RUFY3: variants seen among roughly 807,000 people sequenced by gnomAD.
The protein encoded by RUFY3 is protein RUFY3.
RUFY3 carries 34 observed loss-of-function variants against 84.0 expected under a neutral mutation model. That is an observed-to-expected ratio of 0.40 (90% CI 0.31 to 0.54). The LOEUF (loss-of-function observed/expected upper bound fraction) is 0.54, where lower values mean the gene tolerates loss of function less well. Ranked by LOEUF, RUFY3 falls within the 20% of genes least tolerant of loss-of-function variation. The pLI, the probability that RUFY3 is intolerant of heterozygous loss-of-function variation, is 0.39. For synonymous variants in RUFY3, 242 were observed against 252.9 expected, an observed-to-expected ratio of 0.96 and a Z score of 0.41; for missense variants, 507 against 736.8, an observed-to-expected ratio of 0.69 and a Z score of 3.61.
chr4:70,804,761 CAAAA>C (rs1186156048), intron 17 of RUFY3, among the ~76,000 whole-genome samples: 10 of 76,856 alleles, frequency 1.3e-4, no homozygotes, highest in East Asian at 3.4e-4. Context: ...ACTAAAAATA[CAAAA>C]AAAAAAAAAA....
upstream of RUFY3, among the ~76,000 whole-genome samples, chr4:70,718,693 C>G (rs937041004): frequency 2.0e-5 from 3 of 151,924 alleles, no homozygotes; most frequent in African/African-American, 7.3e-5. Context: ...TAGTAAAGAC[C>G]AAAATGTAAA....
At chr4:70,758,894 C>T (rs185265388) in intron 1 of RUFY3, among the ~76,000 whole-genome samples, 1 of 151,942 alleles carries the variant, frequency 6.6e-6, no homozygotes, top group South Asian at 2.1e-4. Flanking sequence ...AAAAAATTAG[C>T]CCAGCGTGGT....
At chr4:70,800,268 G>A in intron 15 of RUFY3, 63 bp downstream of exon 15, 2 of 1,293,264 alleles carry the variant, frequency 1.5e-6, no homozygotes, top group Non-Finnish European at 2.2e-6. Flanking sequence ...GAAGGAGGGA[G>A]TTCTTTATAT....
chr4:70,727,941 CG>C (rs886395582), intron 1 of RUFY3, among the ~76,000 whole-genome samples: 18 of 152,046 alleles, frequency 1.2e-4, no homozygotes, highest in Admixed American at 1.1e-3. Flanking sequence ...GTTTATAACA[CG>C]TTTACCCTTA....
At chr4:70,728,183 C>A (rs1718611726) in intron 1 of RUFY3, among the ~76,000 whole-genome samples, 1 of 152,184 alleles carries the variant, frequency 6.6e-6, no homozygotes, top group South Asian at 2.1e-4. Context: ...GTAGCTTAGC[C>A]TCTCTTGCCT....
rs961385880 is a variant in RUFY3 at position 70,775,162 on chromosome 4, C to T, written c.759-6C>T. The T allele has an allele frequency of 2.5e-6, 4 of 1,588,478 alleles. No individual in the cohort carries two copies. Among genetic ancestry groups the T allele is most frequent in the Non-Finnish European group, 3.4e-6 (4 of 1,163,046 alleles). On this transcript the variant is annotated splice_region_variant and splice_polypyrimidine_tract_variant and intron_variant, in intron 6 of 17. Transcript: ENST00000381006. ...TTTTATTTCTATTTTCTTCCCCTTC[C>T]CCCAGAGACGGTCAGATTACTGCAA... is the stretch of plus-strand genomic sequence containing the variant.
chr4:70,769,870 T>C (rs1311369681), intron 5 of RUFY3, among the ~76,000 whole-genome samples: 5 of 152,224 alleles, frequency 3.3e-5, no homozygotes, highest in African/African-American at 9.6e-5. Context: ...TCTCCCAGGC[T>C]GGAATGCAGT....
intron 9 of RUFY3, among the ~76,000 whole-genome samples, chr4:70,783,879 T>C (rs1383573536): frequency 6.6e-6 from 1 of 152,238 alleles, no homozygotes; most frequent in Non-Finnish European, 1.5e-5. Flanking sequence ...TAGCATCTCT[T>C]ACTTTTTACT....
chr4:70,789,827 C>T (rs1730523147), intron 12 of RUFY3: 1 of 1,162,096 alleles, frequency 8.6e-7, no homozygotes, highest in Non-Finnish European at 1.1e-6. Context: ...AAAGGTCAGC[C>T]TTTTATGACT....
chr4:70,732,118 G>T (rs190796996), intron 1 of RUFY3, among the ~76,000 whole-genome samples: 34 of 152,240 alleles, frequency 2.2e-4, no homozygotes, highest in African/African-American at 8.2e-4. Context: ...TATCAGGAAG[G>T]GTAATGGACC....
At chr4:70,749,951 CA>C (rs1423409804) in intron 1 of RUFY3, among the ~76,000 whole-genome samples, 3 of 151,848 alleles carry the variant, frequency 2.0e-5, no homozygotes, top group Admixed American at 1.3e-4. Flanking sequence ...CCACTGTGCC[CA>C]GCCAGAATTT....
rs762339474 is a variant in RUFY3, at chr4:70,722,346, A to C, written c.-228A>C. Reference sequence around the variant, plus strand: ...CATCTTATTTTGCTATGTGGTAGGAACTGTCTATAAGATAGTGTAGAATTG... The same window carrying C: ...CATCTTATTTTGCTATGTGGTAGGACCTGTCTATAAGATAGTGTAGAATTG... On this transcript the variant is annotated 5_prime_UTR_variant, in exon 1 of 18. Transcript: ENST00000381006. 5 of 1,248,926 alleles carry C rather than the reference A, an allele frequency of 4.0e-6. No homozygotes were observed. The African/African-American group carries it at 7.7e-5, about 19-fold the overall frequency. The allele number at this position is 1,248,926 out of a possible 1,614,324, so 77.4% of individuals were successfully genotyped here.
At chr4:70,785,197 G>A (rs1164718441) in intron 10 of RUFY3, among the ~76,000 whole-genome samples, 1 of 152,106 alleles carries the variant, frequency 6.6e-6, no homozygotes, top group Non-Finnish European at 1.5e-5. Context: ...TCCCTGCAAA[G>A]ATTCTTGGAG....
chr4:70,803,047 G>A (rs1278342529), intron 16 of RUFY3, 64 bp downstream of exon 16: 13 of 1,263,546 alleles, frequency 1.0e-5, no homozygotes, highest in African/African-American at 1.5e-5. Context: ...ACCGTGCCTA[G>A]CCAGCAAATA....
intron 15 of RUFY3, among the ~76,000 whole-genome samples, chr4:70,802,652 G>A (rs1386064846): frequency 2.0e-4 from 30 of 152,056 alleles, no homozygotes; most frequent in Admixed American, 2.0e-3. Context: ...TTACACATTG[G>A]GAAACATAAA....
At chr4:70,760,919 GAGA>G (rs1157004662) in intron 1 of RUFY3, among the ~76,000 whole-genome samples, 2 of 152,198 alleles carry the variant, frequency 1.3e-5, no homozygotes, top group African/African-American at 2.4e-5. Flanking sequence ...TAAACTTAAT[GAGA>G]AGATTAATTT....
At chr4:70,777,548 A>G (rs540749277) in intron 7 of RUFY3, among the ~76,000 whole-genome samples, 1 of 152,200 alleles carries the variant, frequency 6.6e-6, no homozygotes, top group Non-Finnish European at 1.5e-5. Context: ...ATTTAAGTAC[A>G]TTTTCTCTGG....
At chr4:70,777,404 A>G (rs1383490665) in intron 7 of RUFY3, among the ~76,000 whole-genome samples, 1 of 152,204 alleles carries the variant, frequency 6.6e-6, no homozygotes, top group Non-Finnish European at 1.5e-5. Flanking sequence ...TAATTAATAT[A>G]TTCATTAATT....
chr4:70,792,908 A>G (rs905702322), intron 12 of RUFY3: 1 of 985,446 alleles, frequency 1.0e-6, no homozygotes, highest in Non-Finnish European at 1.2e-6. Context: ...TCTTCTCTTC[A>G]TCAACCTTTT....
Sources: allele counts gnomAD v4.1 joint callset (sites outside exome capture counted in the v4.1 genomes callset), GRCh38; gene constraint gnomAD v4.1.1; transcripts MANE v1.5; gene names NCBI Gene and HGNC (gene_info 2026-07-23, HGNC 2026-07-21).